The following KDM2A variants were observed in gnomAD, a reference collection of about 807,000 sequenced individuals.
KDM2A encodes the protein lysine demethylase 2A, also known as lysine-specific demethylase 2A.
KDM2A carries 3 observed loss-of-function variants against 137.3 expected under a neutral mutation model. That is an observed-to-expected ratio of 0.02 (90% CI 0.01 to 0.06). KDM2A has a LOEUF of 0.06. Ranked by LOEUF, KDM2A falls within the 10% of genes least tolerant of loss-of-function variation. KDM2A has a pLI of 1.00. For missense variants in KDM2A, 738 were observed against 1,510.6 expected (o/e 0.49, Z 8.48); for synonymous variants, 512 against 541.5 (o/e 0.95, Z 0.76).
At chr11:67,201,804 A>T (rs1030274940) in intron 5 of KDM2A, among the ~76,000 whole-genome samples, 1 of 145,774 alleles carries the variant, frequency 6.9e-6, no homozygotes, top group African/African-American at 2.5e-5. Flanking sequence ...AAAAAAAAAA[A>T]ATTAGCCATG....
intron 5 of KDM2A, among the ~76,000 whole-genome samples, chr11:67,193,890 T>G (rs1857416824): frequency 6.6e-6 from 1 of 152,138 alleles, no homozygotes; most frequent in Non-Finnish European, 1.5e-5. Context: ...ACGTATTTAT[T>G]GAGACAGGGG....
At chr11:67,152,726 T>G (rs934509706) in intron 2 of KDM2A, among the ~76,000 whole-genome samples, 1 of 152,134 alleles carries the variant, frequency 6.6e-6, no homozygotes, top group Non-Finnish European at 1.5e-5. Flanking sequence ...GGATAAGTAC[T>G]TCTTTTATCT....
intron 15 of KDM2A, among the ~76,000 whole-genome samples, chr11:67,247,850 T>G (rs1859297753): frequency 1.3e-5 from 2 of 152,230 alleles, no homozygotes; most frequent in Admixed American, 1.3e-4. Flanking sequence ...AATTCCATGA[T>G]GATGATAATG....
chr11:67,134,139 T>G (rs934903622), intron 2 of KDM2A, among the ~76,000 whole-genome samples: 3 of 152,162 alleles, frequency 2.0e-5, no homozygotes, highest in Non-Finnish European at 2.9e-5. Context: ...GGGGGAAAGA[T>G]TTTTTGAAAC....
intron 2 of KDM2A, among the ~76,000 whole-genome samples, chr11:67,137,860 C>T (rs142236473): frequency 0.019 from 2,849 of 152,050 alleles, 88 homozygotes; most frequent in African/African-American, 0.065. Context: ...TGCAGTGGTG[C>T]GATCTCGGCT....
At chr11:67,153,420 A>G (rs1159608745) in intron 2 of KDM2A, among the ~76,000 whole-genome samples, 1 of 152,174 alleles carries the variant, frequency 6.6e-6, no homozygotes, top group Non-Finnish European at 1.5e-5. Context: ...AATGAGGGAA[A>G]TTTGGTTTAA....
intron 5 of KDM2A, among the ~76,000 whole-genome samples, chr11:67,195,363 C>T (rs575835658): frequency 2.3e-5 from 2 of 87,682 alleles, no homozygotes; most frequent in East Asian, 3.6e-4. Flanking sequence ...AGTGAGACTC[C>T]GTCTCCAAAA....
intron 2 of KDM2A, among the ~76,000 whole-genome samples, chr11:67,144,272 G>A (rs1325384245): frequency 2.3e-5 from 3 of 131,588 alleles, no homozygotes; most frequent in South Asian, 2.5e-4. Flanking sequence ...TTTTTTTCAA[G>A]ACAGAGTCTC....
rs1859546411 is a variant in KDM2A at position 67,254,741 on chromosome 11, C to T, written c.3308-133C>T. ...TGGAGGTGCTGATGGCACTTCTGGTCTCTGAGCCAGGTAGTTGTGGGACAA... is the reference window on the plus strand; with the variant it reads ...TGGAGGTGCTGATGGCACTTCTGGTTTCTGAGCCAGGTAGTTGTGGGACAA... On this transcript the variant is annotated intron_variant, in intron 20 of 20. Coordinates refer to ENST00000529006, the MANE Select transcript of KDM2A (RefSeq NM_012308.3). The surrounding 1 kb of genome is among the most constrained non-coding windows in gnomAD (Gnocchi z 4.7). 1 of 824,452 alleles carries T rather than the reference C, an allele frequency of 1.2e-6. No individual in the cohort carries two copies. 51.1% of individuals were successfully genotyped at this position (824,452 alleles called of 1,614,324 possible).
rs2136308634 is a variant in KDM2A, at chr11:67,153,108, C to A, written c.43-26971C>A. ...CAAACCATTCTCCTGCCATATTCTC[C>A]CAAGTAGCTGGGATTGCAGGCATGT... is the stretch of plus-strand genomic sequence containing the variant. On this transcript the variant is annotated intron_variant, in intron 2 of 20. Coordinates refer to ENST00000529006, the MANE Select transcript of KDM2A (RefSeq NM_012308.3). Among the ~76,000 whole-genome samples, 2 of 152,212 alleles carry A rather than the reference C, an allele frequency of 1.3e-5. 1 individual carries two copies. The highest frequency in any genetic ancestry group is 6.8e-3 in the Middle Eastern group (2 of 294).
intron 2 of KDM2A, among the ~76,000 whole-genome samples, chr11:67,150,299 G>A (rs974378313): frequency 3.9e-5 from 6 of 152,174 alleles, no homozygotes; most frequent in Admixed American, 3.9e-4. Context: ...TTATTTGTTA[G>A]TCTGACAAGT....
intron 2 of KDM2A, among the ~76,000 whole-genome samples, chr11:67,130,962 C>T (rs1346602489): frequency 6.6e-6 from 1 of 151,740 alleles, no homozygotes; most frequent in African/African-American, 2.4e-5. Context: ...AGACCTTGAA[C>T]TCAGGTACCC....
At chr11:67,217,432 C>CA in intron 8 of KDM2A, 1 of 351,272 alleles carries the variant, frequency 2.8e-6, no homozygotes, top group Non-Finnish European at 5.3e-6. Flanking sequence ...GGAAGCCAGA[C>CA]AGAGTGTTTA....
At chr11:67,175,391 G>A (rs188559603) in intron 2 of KDM2A, among the ~76,000 whole-genome samples, 139 of 152,222 alleles carry the variant, frequency 9.1e-4, no homozygotes, top group Middle Eastern at 6.8e-3. Context: ...AGCTGTGATC[G>A]TGCCACTGCA....
chr11:67,239,296 T>G (rs1386893948), intron 12 of KDM2A, among the ~76,000 whole-genome samples: 1 of 152,148 alleles, frequency 6.6e-6, no homozygotes, highest in African/African-American at 2.4e-5. Flanking sequence ...GTTGTTTGAC[T>G]TGGTCACGGT....
chr11:67,135,698 G>T (rs928340437), intron 2 of KDM2A, among the ~76,000 whole-genome samples: 1 of 152,132 alleles, frequency 6.6e-6, no homozygotes, highest in African/African-American at 2.4e-5. Flanking sequence ...TTTGTCTCTT[G>T]TGTCTTTTTG....
intron 10 of KDM2A, among the ~76,000 whole-genome samples, chr11:67,225,934 G>A (rs1422504283): frequency 6.6e-6 from 1 of 151,948 alleles, no homozygotes; most frequent in African/African-American, 2.4e-5. Flanking sequence ...TCATGGTGGT[G>A]CACACCTGTA....
intron 2 of KDM2A, among the ~76,000 whole-genome samples, chr11:67,151,694 C>T (rs1237362088): frequency 6.6e-6 from 1 of 152,016 alleles, no homozygotes; most frequent in Non-Finnish European, 1.5e-5. Flanking sequence ...TTAAAATAGC[C>T]CCATAATTTT....
At chr11:67,214,329 C>A (rs1039309299) in intron 6 of KDM2A, among the ~76,000 whole-genome samples, 3 of 151,674 alleles carry the variant, frequency 2.0e-5, no homozygotes, top group African/African-American at 4.8e-5. Flanking sequence ...CTCAGCCTCC[C>A]GAGTAGCTGG....
Sources: allele counts gnomAD v4.1 joint callset (sites outside exome capture counted in the v4.1 genomes callset), GRCh38; gene constraint gnomAD v4.1.1; non-coding constraint Gnocchi (gnomAD v3.1); transcripts MANE v1.5; gene names NCBI Gene and HGNC (gene_info 2026-07-23, HGNC 2026-07-21).